ADAMTS18: variants seen among roughly 807,000 people sequenced by gnomAD.
ADAMTS18 encodes A disintegrin and metalloproteinase with thrombospondin motifs 18.
Under a neutral mutation model 165.9 loss-of-function variants are expected in ADAMTS18, and 157 were observed. That is an observed-to-expected ratio of 0.95 (90% CI 0.83 to 1.08). The LOEUF (loss-of-function observed/expected upper bound fraction) is 1.08, where lower values mean the gene tolerates loss of function less well. ADAMTS18 is among the 50% of genes least tolerant of loss of function. The pLI, the probability that ADAMTS18 is intolerant of heterozygous loss-of-function variation, is 0.00. For synonymous variants in ADAMTS18, 782 were observed against 578.2 expected (o/e 1.35, Z -5.06); for missense variants, 2,040 against 1,534.0 (o/e 1.33, Z -5.51).
chr16:77,355,950 T>C lies in ADAMTS18; in HGVS notation c.1450A>G (p.Lys484Glu). ...WSSCSRQYLK[K>E]FLSTPQAGCL... is the part of the protein sequence containing the mutation. ...TTTAACCTGTCATACCTGAGGAATT[T>C]CTTGAGATACTGGCGGCTGCAGGAA... Residue 484 changes from lysine (K) to glutamate (E), a missense_variant, in exon 9 of 23, where the codon AAA becomes GAA. Physicochemically the swap from Lys to Glu is moderately conservative, Grantham distance 56. Transcript: ENST00000282849. 4 of 1,614,030 alleles carry C rather than the reference T, an allele frequency of 2.5e-6. No homozygotes were observed. The highest frequency in any genetic ancestry group is 3.4e-6 in the Non-Finnish European group (4 of 1,179,928).
intron 3 of ADAMTS18, among the ~76,000 whole-genome samples, chr16:77,397,249 G>T (rs1208847240): frequency 6.6e-6 from 1 of 152,160 alleles, no homozygotes; most frequent in African/African-American, 2.4e-5. Flanking sequence ...GAGAAACTTT[G>T]TGTATTTATT....
chr16:77,314,645 G>T (rs1326754036), intron 16 of ADAMTS18, among the ~76,000 whole-genome samples: 1 of 121,372 alleles, frequency 8.2e-6, no homozygotes, highest in Non-Finnish European at 1.7e-5. Context: ...ATGTGTGTGT[G>T]TGTGTATATA....
At chr16:77,312,928 G>A (rs931136428) in intron 16 of ADAMTS18, among the ~76,000 whole-genome samples, 12 of 152,176 alleles carry the variant, frequency 7.9e-5, no homozygotes, top group Non-Finnish European at 1.2e-4. Flanking sequence ...ATTTGACCCC[G>A]CAATCCCATT....
chr16:77,362,536 C>T (rs772979603), intron 6 of ADAMTS18, among the ~76,000 whole-genome samples: 2 of 152,160 alleles, frequency 1.3e-5, no homozygotes, highest in Admixed American at 6.5e-5. Flanking sequence ...GTTCATCTTA[C>T]CTAGTACTAC....
rs1365379788 is a variant in ADAMTS18 at position 77,335,890 on chromosome 16, G to T, written c.1725C>A (p.Gly575=). 1.9e-6 allele frequency: 3 copies of T among 1,614,080 alleles called. No individual in the cohort carries two copies. Among genetic ancestry groups the T allele is most frequent in the African/African-American group, 1.3e-5 (1 of 74,922 alleles). ...VCGLSMWCRQ[G]QCVKFGELGP... ...CGAGCTCCCCAAACTTTACGCACTGGCCTTGCCGACACCACTGTGAAAAGA... is the reference window on the plus strand; with the variant it reads ...CGAGCTCCCCAAACTTTACGCACTGTCCTTGCCGACACCACTGTGAAAAGA... Residue 575 remains glycine (G), a synonymous_variant, in exon 12 of 23, where the codon GGC becomes GGA. Transcript: ENST00000282849.
intron 3 of ADAMTS18, among the ~76,000 whole-genome samples, chr16:77,374,442 A>G (rs1164142908): frequency 6.6e-6 from 1 of 152,150 alleles, no homozygotes; most frequent in Non-Finnish European, 1.5e-5. Context: ...ACCCAGCAGG[A>G]AGCACAGGCA....
chr16:77,321,065 G>A lies in ADAMTS18; in HGVS notation c.2287+14C>T, dbSNP rs758913370. The A allele has an allele frequency of 1.2e-6, 2 of 1,613,956 alleles. No homozygotes were observed. The highest frequency in any genetic ancestry group is 1.3e-5 in the African/African-American group (1 of 74,908). On this transcript the variant is annotated intron_variant, in intron 15 of 22. Transcript: ENST00000282849. ...TGTATCTCATTAACAATAACAAACA[G>A]CAGCATCTCTCACCATTTGCTTTAT...
At chr16:77,318,333 T>C (rs1371324603) in intron 16 of ADAMTS18, among the ~76,000 whole-genome samples, 1 of 152,192 alleles carries the variant, frequency 6.6e-6, no homozygotes, top group Non-Finnish European at 1.5e-5. Context: ...AACCATATAA[T>C]GACAAGTAGC....
intron 12 of ADAMTS18, among the ~76,000 whole-genome samples, chr16:77,327,706 T>C (rs925264643): frequency 1.3e-5 from 2 of 152,236 alleles, no homozygotes; most frequent in Non-Finnish European, 2.9e-5. Flanking sequence ...GTTCTTTTAC[T>C]GTATATGTGT....
chr16:77,374,538 A>G (rs1382479511), intron 3 of ADAMTS18, among the ~76,000 whole-genome samples: 1 of 152,144 alleles, frequency 6.6e-6, no homozygotes, highest in Non-Finnish European at 1.5e-5. Context: ...AACACCATTT[A>G]AAGTCCCTCA....
Position 77,334,955 on chromosome 16 carries a change from G to A in ADAMTS18, c.1859+801C>T, listed in dbSNP as rs189765332. 1.1e-3 allele frequency among the ~76,000 whole-genome samples: 157 copies of A among 139,936 alleles called. 1 individual carries two copies. The highest frequency in any genetic ancestry group is 3.7e-4 in the Non-Finnish European group (24 of 65,664). 91.8% of individuals were successfully genotyped at this position (139,936 alleles called of 152,430 possible). On this transcript the variant is annotated intron_variant, in intron 12 of 22. Transcript: ENST00000282849. ...ATACTGTATTTTATAGTATATAGTA[G>A]TATATATACTGTATATTATAGTATA...
intron 3 of ADAMTS18, among the ~76,000 whole-genome samples, chr16:77,401,788 G>T (rs1320483556): frequency 2.0e-5 from 3 of 152,160 alleles, no homozygotes; most frequent in Non-Finnish European, 4.4e-5. Flanking sequence ...AAATGAAGAG[G>T]AAGGATGAAT....
At chr16:77,351,148 G>A (rs1453604510) in intron 10 of ADAMTS18, among the ~76,000 whole-genome samples, 1 of 152,180 alleles carries the variant, frequency 6.6e-6, no homozygotes, top group Non-Finnish European at 1.5e-5. Flanking sequence ...ATGGGTTCAA[G>A]TTATAAGTAG....
At chr16:77,337,169 T>A (rs563912666) in intron 11 of ADAMTS18, among the ~76,000 whole-genome samples, 3 of 152,234 alleles carry the variant, frequency 2.0e-5, no homozygotes, top group Non-Finnish European at 2.9e-5. Context: ...AGAGTTTGCA[T>A]GAAACCATAT....
chr16:77,424,593 T>G (rs2057647848), intron 3 of ADAMTS18, among the ~76,000 whole-genome samples: 1 of 152,228 alleles, frequency 6.6e-6, no homozygotes, highest in Non-Finnish European at 1.5e-5. Context: ...CCTTGGCTCT[T>G]CTTTTTAAAA....
chr16:77,377,715 C>T (rs1432258325), intron 3 of ADAMTS18, among the ~76,000 whole-genome samples: 2 of 152,170 alleles, frequency 1.3e-5, no homozygotes, highest in African/African-American at 4.8e-5. Context: ...TTGAATCTAT[C>T]TGCAACAACT....
intron 22 of ADAMTS18, among the ~76,000 whole-genome samples, chr16:77,287,710 G>C (rs962014770): frequency 3.3e-5 from 5 of 152,062 alleles, no homozygotes; most frequent in African/African-American, 1.2e-4. Context: ...GACCTCAGGT[G>C]ATCCACCCGC....
chr16:77,422,473 C>G (rs1311123786), intron 3 of ADAMTS18, among the ~76,000 whole-genome samples: 1 of 148,948 alleles, frequency 6.7e-6, no homozygotes, highest in African/African-American at 2.5e-5. Context: ...TGAAAGCTAG[C>G]CAATCCTAGT....
intron 3 of ADAMTS18, among the ~76,000 whole-genome samples, chr16:77,400,856 G>A (rs973767556): frequency 2.0e-5 from 3 of 152,028 alleles, no homozygotes; most frequent in African/African-American, 4.8e-5. Flanking sequence ...TACTGCTGTT[G>A]TTCCTTCCTT....
Sources: allele counts gnomAD v4.1 joint callset (sites outside exome capture counted in the v4.1 genomes callset), GRCh38; gene constraint gnomAD v4.1.1; transcripts MANE v1.5; gene names NCBI Gene and HGNC (gene_info 2026-07-23, HGNC 2026-07-21).